The following DUX4 variants were observed in gnomAD, a reference collection of about 807,000 sequenced individuals.
DUX4 encodes double homeobox protein 4.
chr4:190,178,062 A>ACATATATGTCTCAATGCTGCCTGTC (rs1742402677), downstream of DUX4, among the ~76,000 whole-genome samples: 1 of 144,278 alleles, frequency 6.9e-6, no homozygotes, highest in Admixed American at 7.1e-5. Context: ...TGATCAGTGC[A>ACATATATGTCTCAATGCTGCCTGTC]GAGATACGTC....
At position 190,184,219 on chromosome 4, in the gene DUX4, AAGG is replaced by A. The variant is rs1415152141; in HGVS notation, n.93-1113_93-1111del. ...CCATCAGCATGTCCAGGAGGAAAAT[AAGG>A]AGGAGGAGCAGAAATAGATGAGGCT... On this transcript the variant is annotated intron_variant and non_coding_transcript_variant, in intron 1 of 2. Coordinates refer to the DUX4 transcript ENST00000563716. 6.1e-3 allele frequency among the ~76,000 whole-genome samples: 608 copies of A among 99,348 alleles called. 3 individuals are homozygous for A. The highest frequency in any genetic ancestry group is 0.015 in the African/African-American group (547 of 35,962). 65.2% of individuals were successfully genotyped at this position (99,348 alleles called of 152,430 possible). A position where few individuals can be genotyped will look rare whatever the true frequency, so the allele number is the denominator to read the frequency against.
intron 1 of DUX4, among the ~76,000 whole-genome samples, chr4:190,181,306 CTAAAG>C (rs1579837167): frequency 8.8e-5 from 8 of 90,604 alleles, no homozygotes; most frequent in African/African-American, 9.4e-5. Flanking sequence ...TAGGCAGAGC[CTAAAG>C]AAGAGTCCCA....
intron 1 of DUX4, among the ~76,000 whole-genome samples, chr4:190,181,062 T>C (rs1283792926): frequency 3.0e-4 from 36 of 118,706 alleles, no homozygotes; most frequent in Middle Eastern, 4.8e-3. Flanking sequence ...ACCTGGGTGA[T>C]CAGTGCAGAG....
At chr4:190,178,228 A>T (rs1742411696), downstream of DUX4, among the ~76,000 whole-genome samples, 2 of 152,154 alleles carry the variant, frequency 1.3e-5, no homozygotes, top group East Asian at 3.9e-4. Flanking sequence ...CCCTGTAGGC[A>T]GAGCATAGAG....
At chr4:190,181,474 T>A (rs1421518690) in intron 1 of DUX4, among the ~76,000 whole-genome samples, 624 of 136,562 alleles carry the variant, frequency 4.6e-3, no homozygotes, top group Middle Eastern at 0.015. Flanking sequence ...AGATGATCAG[T>A]GCAGAGATAC....
At chr4:190,178,885 ATC>A (rs1742460211), downstream of DUX4, among the ~76,000 whole-genome samples, 33 of 99,466 alleles carry the variant, frequency 3.3e-4, no homozygotes, top group East Asian at 2.2e-3. Context: ...ATCAGTGCAG[ATC>A]TATGTCACAA....
chr4:190,181,112 GTTACATCACCTGAGTGATCAGTGC>G (rs1742546389), intron 1 of DUX4, among the ~76,000 whole-genome samples: 1 of 70,462 alleles, frequency 1.4e-5, no homozygotes, highest in Non-Finnish European at 3.3e-5. Flanking sequence ...CTAGACAATA[GTTACATCACCTGAGTGATCAGTGC>G]AGAGATCTGT....
chr4:190,176,513 A>G (rs1331470685), downstream of DUX4, among the ~76,000 whole-genome samples: 1 of 103,946 alleles, frequency 9.6e-6, no homozygotes, highest in Non-Finnish European at 2.3e-5. Flanking sequence ...ATTCCCGTGT[A>G]GGCAGAGCCT....
intron 1 of DUX4, among the ~76,000 whole-genome samples, chr4:190,183,870 G>T (rs1185296813): frequency 2.5e-5 from 3 of 122,166 alleles, no homozygotes; most frequent in Admixed American, 9.2e-5. Flanking sequence ...CTCGTGGTTA[G>T]TGGGGACATT....
chr4:190,181,774 TA>T (rs1742595008), intron 1 of DUX4, among the ~76,000 whole-genome samples: 3 of 10,234 alleles, frequency 2.9e-4, no homozygotes, highest in Non-Finnish European at 4.3e-4. Flanking sequence ...ATGCCCCCAG[TA>T]GGCAGAGCCT....
At chr4:190,176,601 G>T (rs1742312808), downstream of DUX4, among the ~76,000 whole-genome samples, 2 of 118,874 alleles carry the variant, frequency 1.7e-5, 1 homozygote, top group Non-Finnish European at 3.9e-5. Context: ...GTAGACAAGA[G>T]TTCCCTCCTC....
chr4:190,178,155 A>C (rs1742406491), downstream of DUX4, among the ~76,000 whole-genome samples: 9 of 152,074 alleles, frequency 5.9e-5, no homozygotes, highest in South Asian at 2.1e-4. Context: ...CGCCCTCTGT[A>C]GGCAGAGACT....
At chr4:190,176,589 A>T (rs1290881858), downstream of DUX4, among the ~76,000 whole-genome samples, 2 of 88,964 alleles carry the variant, frequency 2.2e-5, no homozygotes, top group African/African-American at 6.7e-5. Context: ...TGTAGGCAGA[A>T]CGTAGACAAG....
chr4:190,176,095 G>A (rs1742291447), downstream of DUX4, among the ~76,000 whole-genome samples: 2 of 112,458 alleles, frequency 1.8e-5, 1 homozygote, highest in Non-Finnish European at 4.2e-5. Context: ...AAGTCATAAA[G>A]CCTCCTGTAG....
chr4:190,181,231 G>GTCTGCCACCTGGGTGAT (rs1742553922), intron 1 of DUX4, among the ~76,000 whole-genome samples: 1 of 106,472 alleles, frequency 9.4e-6, no homozygotes, highest in African/African-American at 3.2e-5. Context: ...GCCCCCATAG[G>GTCTGCCACCTGGGTGAT]CAAATCCAAG....
intron 1 of DUX4, among the ~76,000 whole-genome samples, chr4:190,181,244 A>AACAGTCTGCCACCTGGGTGATCAGTGCAG: frequency 6.7e-6 from 1 of 149,462 alleles, no homozygotes; most frequent in South Asian, 2.1e-4. Flanking sequence ...AATCCAAGAC[A>AACAGTCTGCCACCTGGGTGATCAGTGCAG]AGAGTCTGTC....
At chr4:190,179,430 G>C (rs1742492096), downstream of DUX4, among the ~76,000 whole-genome samples, 19 of 151,498 alleles carry the variant, frequency 1.3e-4, no homozygotes, top group Admixed American at 2.0e-4. Flanking sequence ...TCATTGCAGG[G>C]ATATGTCACA....
At chr4:190,176,344 G>T (rs1742304356), downstream of DUX4, among the ~76,000 whole-genome samples, 1 of 115,134 alleles carries the variant, frequency 8.7e-6, no homozygotes, top group African/African-American at 2.6e-5. Context: ...TCACCTGGGT[G>T]ATCAGTGCAG....
At chr4:190,176,259 T>G (rs1162116400), downstream of DUX4, among the ~76,000 whole-genome samples, 1 of 112,246 alleles carries the variant, frequency 8.9e-6, no homozygotes, top group African/African-American at 2.6e-5. Context: ...CCCAGACAAT[T>G]TTTACATCTC....
Sources: allele counts gnomAD v4.1 joint callset (sites outside exome capture counted in the v4.1 genomes callset), GRCh38; gene constraint gnomAD v4.1.1; transcripts MANE v1.5; gene names NCBI Gene and HGNC (gene_info 2026-07-23, HGNC 2026-07-21).